The following HIVEP2 variants were observed in gnomAD, a reference collection of about 807,000 sequenced individuals.
HIVEP2 encodes the protein HIVEP zinc finger 2.
HIVEP2 carries 14 observed loss-of-function variants against 180.7 expected under a neutral mutation model. That is an observed-to-expected ratio of 0.08 (90% confidence interval 0.05 to 0.12). HIVEP2 has a LOEUF of 0.12. Ranked by LOEUF, HIVEP2 falls within the 10% of genes least tolerant of loss-of-function variation. The pLI, the probability that HIVEP2 is intolerant of heterozygous loss-of-function variation, is 1.00. For missense variants in HIVEP2, 2,579 were observed against 3,008.5 expected (o/e 0.86, Z 3.34); for synonymous variants, 1,184 against 1,136.4 (o/e 1.04, Z -0.84).
intron 2 of HIVEP2, among the ~76,000 whole-genome samples, chr6:142,820,444 C>T (rs1777002154): frequency 6.6e-6 from 1 of 152,090 alleles, no homozygotes. Context: ...TTTTTGATGT[C>T]TTTCAATGGC....
Position 142,759,974 on chromosome 6 carries a change from A to C in HIVEP2, c.6314T>G (p.Val2105Gly). The C allele has an allele frequency of 3.1e-6, 5 of 1,613,734 alleles. No individual in the cohort carries two copies. Among genetic ancestry groups the C allele is most frequent in the Non-Finnish European group, 4.2e-6 (5 of 1,179,888 alleles). ...TGGAGACAAATGCCTTCTTGGTGAAACATCTCTTTGGGACATCTCTCTTCT... is the reference window on the plus strand; with the variant it reads ...TGGAGACAAATGCCTTCTTGGTGAACCATCTCTTTGGGACATCTCTCTTCT... The part of the protein sequence containing the change: ...ALRREMSQRD[V>G]SPRRHLSPRR... Residue 2105 changes from valine (V) to glycine (G), a missense_variant, in exon 9 of 10, where the codon GTT becomes GGT. Coordinates refer to ENST00000367603, the MANE Select transcript of HIVEP2 (RefSeq NM_006734.4).
intron 2 of HIVEP2, among the ~76,000 whole-genome samples, chr6:142,832,765 G>A (rs1189359688): frequency 6.6e-6 from 1 of 152,192 alleles, no homozygotes; most frequent in African/African-American, 2.4e-5. Context: ...AAGGGATATT[G>A]CTTGGAAATC....
intron 2 of HIVEP2, among the ~76,000 whole-genome samples, chr6:142,784,880 T>C: frequency 6.6e-6 from 1 of 152,196 alleles, no homozygotes; most frequent in Non-Finnish European, 1.5e-5. Context: ...ATTAACTATA[T>C]CTCTATCTAT....
intron 5 of HIVEP2, among the ~76,000 whole-genome samples, chr6:142,769,343 T>C (rs1427036360): frequency 6.6e-6 from 1 of 152,220 alleles, no homozygotes; most frequent in Non-Finnish European, 1.5e-5. Flanking sequence ...GGCTTTTTCT[T>C]CTGAAAATGG....
chr6:142,801,342 G>A (rs1776405816), intron 2 of HIVEP2, among the ~76,000 whole-genome samples: 1 of 150,840 alleles, frequency 6.6e-6, no homozygotes, highest in Non-Finnish European at 1.5e-5. Flanking sequence ...CCAGGAGGCG[G>A]AGGTTGCAGT....
At chr6:142,846,087 C>G (rs1775509645) in intron 1 of HIVEP2, among the ~76,000 whole-genome samples, 1 of 152,206 alleles carries the variant, frequency 6.6e-6, no homozygotes, top group African/African-American at 2.4e-5. Flanking sequence ...GCCTGCACCA[C>G]ACATCAAAGC....
At chr6:142,829,699 C>T (rs560948761) in intron 2 of HIVEP2, among the ~76,000 whole-genome samples, 9 of 152,302 alleles carry the variant, frequency 5.9e-5, no homozygotes, top group African/African-American at 2.2e-4. Context: ...TTTAAATGAA[C>T]TAAAGCTTTT....
chr6:142,867,289 G>A (rs1347214444), intron 1 of HIVEP2, among the ~76,000 whole-genome samples: 1 of 152,052 alleles, frequency 6.6e-6, no homozygotes, highest in African/African-American at 2.4e-5. Context: ...CAAACCTGGT[G>A]AAGACTACAC....
intron 1 of HIVEP2, among the ~76,000 whole-genome samples, chr6:142,851,118 TAG>T (rs1185134915): frequency 6.6e-6 from 1 of 152,200 alleles, no homozygotes; most frequent in Non-Finnish European, 1.5e-5. Flanking sequence ...AAGTTGAATT[TAG>T]AGTTTTCCAA....
intron 1 of HIVEP2, among the ~76,000 whole-genome samples, chr6:142,862,716 A>G (rs1318665249): frequency 7.1e-6 from 1 of 140,378 alleles, no homozygotes; most frequent in Non-Finnish European, 1.5e-5. Flanking sequence ...TATATATTAT[A>G]CATTACATAT....
intron 1 of HIVEP2, among the ~76,000 whole-genome samples, chr6:142,841,021 T>C (rs1179434680): frequency 2.6e-5 from 4 of 152,082 alleles, no homozygotes; most frequent in African/African-American, 9.6e-5. Flanking sequence ...TTTTATTGTC[T>C]TTCACCTCTA....
chr6:142,811,020 G>C (rs1776684312), intron 2 of HIVEP2, among the ~76,000 whole-genome samples: 1 of 152,078 alleles, frequency 6.6e-6, no homozygotes, highest in Admixed American at 6.5e-5. Context: ...TATGTAAGCG[G>C]TACATGTGTA....
At chr6:142,873,671 A>G (rs113672977) in intron 1 of HIVEP2, among the ~76,000 whole-genome samples, 12 of 152,298 alleles carry the variant, frequency 7.9e-5, no homozygotes, top group African/African-American at 2.9e-4. Flanking sequence ...ATGATCATAT[A>G]GCGCTAGGTT....
intron 6 of HIVEP2, among the ~76,000 whole-genome samples, chr6:142,766,333 CCT>C (rs1208413526): frequency 6.6e-6 from 1 of 152,082 alleles, no homozygotes. Flanking sequence ...AAATTTCCCC[CCT>C]TTTACCAGGA....
chr6:142,816,873 G>GGGGT (rs751447263), intron 2 of HIVEP2, among the ~76,000 whole-genome samples: 1 of 148,478 alleles, frequency 6.7e-6, no homozygotes, highest in African/African-American at 2.5e-5. Context: ...AGCACCAGAG[G>GGGGT]GTGTGTGTGT....
rs184518525 is a variant in HIVEP2, at chr6:142,832,266, C to A, written c.-528+4669G>T. Among the ~76,000 whole-genome samples the A allele has an allele frequency of 1.1e-4, 17 of 150,494 alleles. 2 individuals are homozygous for A. The highest frequency in any genetic ancestry group is 4.1e-4 in the African/African-American group (17 of 41,086). ...CTCACAAGCAATTATTTTTATTAAA[C>A]CCAACAAATATTTATTAAATGTCTA... On this transcript the variant is annotated intron_variant, in intron 2 of 9. Transcript: ENST00000367603.
At position 142,772,152 on chromosome 6, in the gene HIVEP2, G is replaced by A; in HGVS notation, c.2587C>T (p.Pro863Ser). 1 of 1,614,176 alleles carries A rather than the reference G, an allele frequency of 6.2e-7. No individual in the cohort carries two copies. Among genetic ancestry groups the A allele is most frequent in the Non-Finnish European group, 8.5e-7 (1 of 1,180,044 alleles). The change falls in exon 5 of 10, where the codon CCC becomes TCC. Residue 863 changes from proline (P) to serine (S), a missense_variant. Transcript: ENST00000367603. This position sits in a 1 kb window ranked among gnomAD's most constrained non-coding sequence, Gnocchi z 4.9. ...PGDGAESGGK[P>S]SPSQQVQQQS... ...TGCTGCACCTGCTGAGATGGAGAGGGTTTCCCCCCACTTTCTGCACCATCC... is the reference window on the plus strand; with the variant it reads ...TGCTGCACCTGCTGAGATGGAGAGGATTTCCCCCCACTTTCTGCACCATCC...
In HIVEP2 at chr6:142,760,593, C is replaced by G. The variant is rs369985418; in HGVS notation, c.5695G>C (p.Asp1899His). 6 of 1,613,348 alleles carry G rather than the reference C, an allele frequency of 3.7e-6. No individual in the cohort carries two copies. The highest frequency in any genetic ancestry group is 4.2e-6 in the Non-Finnish European group (5 of 1,179,478). Reference protein sequence around the residue: ...SSISTDHQFSDAEESDGEDGD... With the variant: ...SSISTDHQFSHAEESDGEDGD... ...TCCTCACCATCTGATTCCTCAGCAT[C>G]GGAGAACTGATGATCAGTTGAAATG... Residue 1899 changes from aspartate (D) to histidine (H), a missense_variant, in exon 9 of 10, where the codon GAT becomes CAT. By Grantham distance (81) the Asp-to-His change is moderately conservative. Transcript: ENST00000367603.
At chr6:142,888,218 G>T (rs555975487) in intron 1 of HIVEP2, among the ~76,000 whole-genome samples, 68 of 152,070 alleles carry the variant, frequency 4.5e-4, no homozygotes, top group African/African-American at 1.5e-3. Flanking sequence ...TTGTTTTGTT[G>T]TATTGTTCTT....
Sources: allele counts gnomAD v4.1 joint callset (sites outside exome capture counted in the v4.1 genomes callset), GRCh38; gene constraint gnomAD v4.1.1; non-coding constraint Gnocchi (gnomAD v3.1); transcripts MANE v1.5; gene names NCBI Gene and HGNC (gene_info 2026-07-23, HGNC 2026-07-21).